The following CLSTN2 variants were observed in gnomAD, a reference collection of about 807,000 sequenced individuals.
The protein encoded by CLSTN2 is calsyntenin-2.
CLSTN2 carries 48 observed loss-of-function variants against 101.2 expected under a neutral mutation model. The observed-to-expected ratio is 0.47, with a 90% CI of 0.38 to 0.60. The LOEUF (loss-of-function observed/expected upper bound fraction) is 0.60. Among genes scored for constraint, CLSTN2 ranks in the 20% least tolerant of loss-of-function variants. The pLI, the probability that CLSTN2 is intolerant of heterozygous loss-of-function variation, is 0.00. For synonymous variants in CLSTN2, 481 were observed against 463.6 expected, an observed-to-expected ratio of 1.04 and a Z score of -0.48; for missense variants, 1,160 against 1,238.2, an observed-to-expected ratio of 0.94 and a Z score of 0.95.
intron 1 of CLSTN2, among the ~76,000 whole-genome samples, chr3:139,975,528 G>A (rs1935802183): frequency 6.6e-6 from 1 of 152,258 alleles, no homozygotes; most frequent in African/African-American, 2.4e-5. Flanking sequence ...AGGACCGAGA[G>A]GCTGATGGAG....
At chr3:140,325,759 A>G (rs2087326638) in intron 2 of CLSTN2, among the ~76,000 whole-genome samples, 1 of 152,164 alleles carries the variant, frequency 6.6e-6, no homozygotes, top group Non-Finnish European at 1.5e-5. Context: ...TTTGCCTCTT[A>G]AAAAGTTCTA....
At chr3:140,340,625 T>C (rs1023310349) in intron 2 of CLSTN2, among the ~76,000 whole-genome samples, 1 of 152,260 alleles carries the variant, frequency 6.6e-6, no homozygotes, top group Non-Finnish European at 1.5e-5. Flanking sequence ...CAGTGTACCC[T>C]ATTATTAACA....
intron 2 of CLSTN2, among the ~76,000 whole-genome samples, chr3:140,217,977 G>C (rs536193310): frequency 6.6e-6 from 1 of 152,292 alleles, no homozygotes; most frequent in East Asian, 1.9e-4. Context: ...ACCTTAATTT[G>C]ATGACTCAAT....
chr3:140,417,511 A>G (rs146707263), intron 4 of CLSTN2, among the ~76,000 whole-genome samples: 13 of 152,212 alleles, frequency 8.5e-5, no homozygotes, highest in African/African-American at 2.9e-4. Flanking sequence ...GTTGGTCAGT[A>G]TGTCTGTTTT....
rs552401080 is a variant in CLSTN2 at position 140,151,387 on chromosome 3, C to T, written c.110-24564C>T. Among the ~76,000 whole-genome samples the T allele has an allele frequency of 2.0e-5, 3 of 151,980 alleles. No individual in the cohort carries two copies. In the East Asian group the frequency reaches 5.9e-4, roughly 30 times the overall value. The stretch of plus-strand genomic sequence containing the variant: ...GGGGTGAAGACAGAGCAGGGAATAC[C>T]CATAACACCTCAGGTAGCTCAAGGT... On this transcript the variant is annotated intron_variant, in intron 1 of 16. Coordinates refer to ENST00000458420, the MANE Select transcript of CLSTN2 (RefSeq NM_022131.3).
chr3:139,959,567 C>A (rs111624721), intron 1 of CLSTN2, among the ~76,000 whole-genome samples: 1 of 152,196 alleles, frequency 6.6e-6, no homozygotes, highest in South Asian at 2.1e-4. Flanking sequence ...TTGACAGTGA[C>A]GCTATCCCCA....
intron 2 of CLSTN2, among the ~76,000 whole-genome samples, chr3:140,274,780 A>G (rs2107892200): frequency 6.6e-6 from 1 of 152,336 alleles, no homozygotes; most frequent in East Asian, 1.9e-4. Context: ...GCATCACAGG[A>G]TCAGAGAGAA....
chr3:140,500,080 A>C (rs954807293), intron 8 of CLSTN2, among the ~76,000 whole-genome samples: 4 of 151,456 alleles, frequency 2.6e-5, no homozygotes, highest in Non-Finnish European at 4.4e-5. Context: ...AAAAAAAAAA[A>C]GTTCTCATTG....
intron 2 of CLSTN2, among the ~76,000 whole-genome samples, chr3:140,314,589 T>C (rs2087210579): frequency 6.6e-6 from 1 of 152,138 alleles, no homozygotes; most frequent in African/African-American, 2.4e-5. Flanking sequence ...TTTTTTTTCT[T>C]TAAATAAGCC....
chr3:140,215,755 T>A (rs954838408), intron 2 of CLSTN2, among the ~76,000 whole-genome samples: 1 of 152,204 alleles, frequency 6.6e-6, no homozygotes, highest in Non-Finnish European at 1.5e-5. Flanking sequence ...ACAGTAATAG[T>A]GCCACCTTTC....
At chr3:140,001,731 C>G (rs1292105692) in intron 1 of CLSTN2, among the ~76,000 whole-genome samples, 1 of 146,342 alleles carries the variant, frequency 6.8e-6, no homozygotes, top group African/African-American at 2.5e-5. Context: ...TTTTTTTTTT[C>G]TGTACCCATT....
At chr3:139,959,036 G>A (rs900831431) in intron 1 of CLSTN2, among the ~76,000 whole-genome samples, 16 of 151,896 alleles carry the variant, frequency 1.1e-4, no homozygotes, top group Admixed American at 6.6e-4. Context: ...AGACAAGAGT[G>A]AGAGGAAGAG....
rs568420332 is a variant in CLSTN2, at chr3:140,239,243, G to A, written c.232+63170G>A. 2.4e-4 allele frequency among the ~76,000 whole-genome samples: 37 copies of A among 152,188 alleles called. No individual in the cohort carries two copies. The South Asian group carries it at 7.7e-3, about 32-fold the overall frequency. ...TTGATTCAGTCCAGACCTGCAGCTT[G>A]TTTTTGTTAGAGTTGCAGAATAGAT... On this transcript the variant is annotated intron_variant, in intron 2 of 16. Coordinates refer to ENST00000458420, the MANE Select transcript of CLSTN2 (RefSeq NM_022131.3).
chr3:139,958,079 G>A (rs750596639), intron 1 of CLSTN2, among the ~76,000 whole-genome samples: 15 of 152,180 alleles, frequency 9.9e-5, no homozygotes, highest in Non-Finnish European at 2.1e-4. Context: ...GGCTTAGCCA[G>A]GGTGCCTGGC....
chr3:140,130,800 C>T (rs923429094), intron 1 of CLSTN2, among the ~76,000 whole-genome samples: 10 of 152,180 alleles, frequency 6.6e-5, no homozygotes, highest in South Asian at 2.1e-4. Context: ...ATATATTTTG[C>T]GTCTTTGTTT....
intron 1 of CLSTN2, among the ~76,000 whole-genome samples, chr3:140,108,900 G>A (rs1275848591): frequency 6.6e-6 from 1 of 152,226 alleles, no homozygotes. Flanking sequence ...GGCACTGGGA[G>A]AGCTCCATTT....
At chr3:140,237,321 G>A (rs2086426748) in intron 2 of CLSTN2, among the ~76,000 whole-genome samples, 1 of 152,160 alleles carries the variant, frequency 6.6e-6, no homozygotes, top group Admixed American at 6.6e-5. Flanking sequence ...CTCACTGGCT[G>A]GTGGGAAGAC....
intron 2 of CLSTN2, among the ~76,000 whole-genome samples, chr3:140,265,401 T>C (rs2086686874): frequency 1.3e-5 from 2 of 151,996 alleles, no homozygotes; most frequent in Admixed American, 6.6e-5. Flanking sequence ...CCTAACGACC[T>C]CTCAGCAGAG....
chr3:140,434,717 A>C (rs1006198581), intron 5 of CLSTN2, among the ~76,000 whole-genome samples: 2 of 152,188 alleles, frequency 1.3e-5, no homozygotes, highest in East Asian at 3.9e-4. Flanking sequence ...CTACGCCTCC[A>C]GGGCATTTCC....
Sources: allele counts gnomAD v4.1 joint callset (sites outside exome capture counted in the v4.1 genomes callset), GRCh38; gene constraint gnomAD v4.1.1; transcripts MANE v1.5; gene names NCBI Gene and HGNC (gene_info 2026-07-23, HGNC 2026-07-21).